EREG: variants seen among roughly 807,000 people sequenced by gnomAD.
EREG encodes the protein epiregulin, also known as proepiregulin.
Under a neutral mutation model 22.4 loss-of-function variants are expected in EREG, and 23 were observed. That is an observed-to-expected ratio of 1.03 (90% CI 0.74 to 1.46). EREG has a LOEUF of 1.46. Among genes scored for constraint, EREG ranks in the 40% most tolerant of loss-of-function variants. EREG has a pLI of 0.00. For missense variants in EREG, 226 were observed against 205.9 expected (o/e 1.10, Z -0.60); for synonymous variants, 100 against 75.4 (o/e 1.33, Z -1.69).
chr4:74,384,753 C>G lies in EREG; in HGVS notation c.455C>G (p.Pro152Arg). ...TACAGAAATCGAAAAAGTAAAGAACCAAAGAAGGAATATGAGAGAGTTACC... is the reference window on the plus strand; with the variant it reads ...TACAGAAATCGAAAAAGTAAAGAACGAAAGAAGGAATATGAGAGAGTTACC... ...RWYRNRKSKE[P>R]KKEYERVTSG... The change falls in exon 5 of 5, where the codon CCA (proline) becomes CGA (arginine). Residue 152 changes from proline to arginine, a missense_variant. By Grantham distance (103) the Pro-to-Arg change is moderately radical. Transcript: ENST00000244869. 6.2e-7 allele frequency: 1 copy of G among 1,611,896 alleles called. No homozygotes were observed. Among genetic ancestry groups the G allele is most frequent in the Non-Finnish European group, 8.5e-7 (1 of 1,178,562 alleles).
At position 74,384,779 on chromosome 4, in the gene EREG, T is replaced by C; in HGVS notation, c.481T>C (p.Ser161Pro). 2 of 1,613,290 alleles carry C rather than the reference T, an allele frequency of 1.2e-6. No homozygotes were observed. Among genetic ancestry groups the C allele is most frequent in the Non-Finnish European group, 1.7e-6 (2 of 1,179,366 alleles). ...AAAGAAGGAATATGAGAGAGTTACC[T>C]CAGGGGATCCAGAGTTGCCGCAAGT... is the stretch of plus-strand genomic sequence containing the variant. ...EPKKEYERVT[S>P]GDPELPQV The change falls in exon 5 of 5, where the codon TCA becomes CCA. Residue 161 changes from serine (S) to proline (P), a missense_variant. Physicochemically the swap from Ser to Pro is moderately conservative, Grantham distance 74. Transcript: ENST00000244869.
At chr4:74,382,251 G>A (rs1193293106) in intron 3 of EREG, among the ~76,000 whole-genome samples, 1 of 152,058 alleles carries the variant, frequency 6.6e-6, no homozygotes, top group Non-Finnish European at 1.5e-5. Flanking sequence ...AGTGAGCCGA[G>A]AGATCACACC....
At chr4:74,367,027 A>G (rs1025717180) in intron 1 of EREG, among the ~76,000 whole-genome samples, 3 of 152,142 alleles carry the variant, frequency 2.0e-5, no homozygotes, top group Admixed American at 6.6e-5. Context: ...CTTTCCCCCA[A>G]ACAAAATATT....
chr4:74,383,050 C>T (rs1188137421), intron 4 of EREG, among the ~76,000 whole-genome samples: 1 of 152,174 alleles, frequency 6.6e-6, no homozygotes, highest in Non-Finnish European at 1.5e-5. Context: ...TCTGAAATAA[C>T]TTGAAATTAT....
chr4:74,376,991 AT>A (rs1560598334), intron 1 of EREG, among the ~76,000 whole-genome samples: 1 of 152,182 alleles, frequency 6.6e-6, no homozygotes, highest in East Asian at 1.9e-4. Context: ...CTGAGAAAAA[AT>A]AAAATTCTTG....
intron 1 of EREG, among the ~76,000 whole-genome samples, chr4:74,375,874 AC>A (rs1752372838): frequency 6.6e-6 from 1 of 152,160 alleles, no homozygotes; most frequent in African/African-American, 2.4e-5. Context: ...GCAGTTATAC[AC>A]TTTAATTTGA....
Position 74,387,553 on chromosome 4 carries a change from C to G in EREG, c.*2745C>G, listed in dbSNP as rs1752592531. 2 of 152,026 alleles carry G rather than the reference C, an allele frequency of 1.3e-5. No individual in the cohort carries two copies. The highest frequency in any genetic ancestry group is 2.9e-5 in the Non-Finnish European group (2 of 68,014). The allele number at this position is 152,026 out of a possible 1,614,324, so 9.4% of individuals were successfully genotyped here. On this transcript the variant is annotated 3_prime_UTR_variant, in exon 5 of 5. Transcript: ENST00000244869. ...TGCATATTAAATAATAAAGTATGAC[C>G]CACATTACTTTTTATGGGTGAAAAT...
At chr4:74,365,796 G>C (rs1752169722) in intron 1 of EREG, among the ~76,000 whole-genome samples, 1 of 151,718 alleles carries the variant, frequency 6.6e-6, no homozygotes. Context: ...ATTTTTTGGA[G>C]GGGGGAAAAA....
chr4:74,382,705 T>A lies in EREG; in HGVS notation c.339T>A (p.Pro113=). 6.2e-7 allele frequency: 1 copy of A among 1,613,718 alleles called. No individual in the cohort carries two copies. The highest frequency in any genetic ancestry group is 1.1e-5 in the South Asian group (1 of 91,056). Residue 113 remains proline (P), a synonymous_variant, in exon 4 of 5, where the codon CCT becomes CCA. Transcript: ENST00000244869. ...CEHFFLTVHQ[P]LSKEYVALTV... ...ACTTCTTTTTAACCGTCCACCAACC[T>A]TTAAGCAAAGAATATGTGGCTTTGA... is the stretch of plus-strand genomic sequence containing the variant.
Position 74,382,756 on chromosome 4 carries a change from TATC to T in EREG, c.392_394del (p.Ile131del), listed in dbSNP as rs1422581044. The T allele has an allele frequency of 6.2e-7, 1 of 1,613,884 alleles. No individual in the cohort carries two copies. The highest frequency in any genetic ancestry group is 8.5e-7 in the Non-Finnish European group (1 of 1,179,854). The stretch of plus-strand genomic sequence containing the variant: ...CCGTGATTCTTATTATTTTGTTTCT[TATC>T]ACAGTCGTCGGTTCCACATATTATT... On this transcript the variant is annotated inframe_deletion, in exon 4 of 5. Transcript: ENST00000244869.
intron 1 of EREG, 111 bp downstream of exon 1, chr4:74,365,486 C>A: frequency 1.6e-6 from 1 of 629,074 alleles, no homozygotes. Flanking sequence ...TTCAAGTGTG[C>A]TCTATTTAAA....
intron 1 of EREG, among the ~76,000 whole-genome samples, chr4:74,366,171 TA>T (rs200703475): frequency 3.0e-4 from 45 of 151,630 alleles, no homozygotes; most frequent in East Asian, 9.7e-4. Flanking sequence ...GCCTTTCTGT[TA>T]AAAAAAAATT....
At position 74,387,428 on chromosome 4, in the gene EREG, T is replaced by A. The variant is rs1484993862; in HGVS notation, c.*2620T>A. Reference sequence around the variant, plus strand: ...ATCTCAATCTTGGTTTGTCAGTTTATCTTAAGCATGTCAATTCATAAAAAC... The same window carrying A: ...ATCTCAATCTTGGTTTGTCAGTTTAACTTAAGCATGTCAATTCATAAAAAC... On this transcript the variant is annotated 3_prime_UTR_variant, in exon 5 of 5. Transcript: ENST00000244869. 17 of 152,122 alleles carry A rather than the reference T, an allele frequency of 1.1e-4. No homozygotes were observed. The highest frequency in any genetic ancestry group is 1.8e-4 in the Non-Finnish European group (12 of 68,022). The allele number at this position is 152,122 out of a possible 1,614,324, so 9.4% of individuals were successfully genotyped here.
rs376459248 is a variant in EREG, at chr4:74,382,713, A to C, written c.347A>C (p.Lys116Thr). 1 of 1,613,846 alleles carries C rather than the reference A, an allele frequency of 6.2e-7. No homozygotes were observed. The highest frequency in any genetic ancestry group is 1.1e-5 in the South Asian group (1 of 91,070). The stretch of plus-strand genomic sequence containing the variant: ...TTAACCGTCCACCAACCTTTAAGCA[A>C]AGAATATGTGGCTTTGACCGTGATT... ...FFLTVHQPLS[K>T]EYVALTVILI... The change falls in exon 4 of 5, where the codon AAA (lysine) becomes ACA (threonine). Residue 116 changes from lysine (K) to threonine (T), a missense_variant. Lys to Thr is a moderately conservative substitution (Grantham distance 78). Transcript: ENST00000244869.
chr4:74,379,081 G>T (rs746292158), intron 1 of EREG, among the ~76,000 whole-genome samples: 11 of 152,094 alleles, frequency 7.2e-5, no homozygotes, highest in Non-Finnish European at 1.5e-4. Context: ...TTGTGATGGG[G>T]TCTGATTAGG....
intron 4 of EREG, among the ~76,000 whole-genome samples, chr4:74,384,341 G>C (rs1230596348): frequency 1.3e-5 from 2 of 152,158 alleles, no homozygotes; most frequent in Non-Finnish European, 2.9e-5. Flanking sequence ...GATGGAAAGA[G>C]TGTATTAATG....
intron 1 of EREG, among the ~76,000 whole-genome samples, chr4:74,370,580 T>C (rs1310964838): frequency 3.3e-5 from 5 of 152,116 alleles, no homozygotes; most frequent in Non-Finnish European, 4.4e-5. Context: ...TATTATATTA[T>C]TATATTATTC....
In EREG at chr4:74,380,019, C is replaced by T. The variant is rs539449773; in HGVS notation, c.154+485C>T. Reference sequence around the variant, plus strand: ...TATCGAGTATGTAGTATGCACCAAACGCTGTGCTAAGGCATACAGATACAA... The same window carrying T: ...TATCGAGTATGTAGTATGCACCAAATGCTGTGCTAAGGCATACAGATACAA... On this transcript the variant is annotated intron_variant, in intron 2 of 4. Coordinates refer to ENST00000244869, the MANE Select transcript of EREG (RefSeq NM_001432.3). Among the ~76,000 whole-genome samples, 6 of 152,324 alleles carry T rather than the reference C, an allele frequency of 3.9e-5. 1 individual carries two copies. The highest frequency in any genetic ancestry group is 1.2e-4 in the African/African-American group (5 of 41,578).
At chr4:74,378,389 G>A (rs1478848471) in intron 1 of EREG, among the ~76,000 whole-genome samples, 1 of 151,806 alleles carries the variant, frequency 6.6e-6, no homozygotes, top group Non-Finnish European at 1.5e-5. Context: ...CAACCTTTAG[G>A]GTGTAGAAAA....
Sources: gnomAD v4.1 joint callset for allele counts (sites outside exome capture counted in the v4.1 genomes callset) on GRCh38, gnomAD v4.1.1 for gene constraint, MANE v1.5 for transcripts, NCBI Gene and HGNC (gene_info 2026-07-23, HGNC 2026-07-21) for gene names.